The following FHIT variants were observed in gnomAD, a reference collection of about 807,000 sequenced individuals.
The protein encoded by FHIT is bis(5'-adenosyl)-triphosphatase.
Under a neutral mutation model 17.9 loss-of-function variants are expected in FHIT, and 19 were observed. That is an observed-to-expected ratio of 1.06 (90% confidence interval 0.74 to 1.56). The LOEUF is 1.56. FHIT is among the 40% of genes most tolerant of loss of function. The probability of loss-of-function intolerance (pLI) is 0.00; values close to 1 mark genes in which losing one functional copy is unlikely to be tolerated. For missense variants in FHIT, 248 were observed against 189.2 expected, an observed-to-expected ratio of 1.31 and a Z score of -1.82; for synonymous variants, 81 against 69.7, an observed-to-expected ratio of 1.16 and a Z score of -0.81.
At chr3:60,825,882 A>G (rs1195794521) in intron 3 of FHIT, among the ~76,000 whole-genome samples, 1 of 152,076 alleles carries the variant, frequency 6.6e-6, no homozygotes, top group Admixed American at 6.5e-5. Flanking sequence ...AATTTATGGT[A>G]GGGAATTTTA....
At chr3:59,814,161 G>A (rs1008442296) in intron 8 of FHIT, among the ~76,000 whole-genome samples, 10 of 152,148 alleles carry the variant, frequency 6.6e-5, no homozygotes, top group African/African-American at 2.4e-4. Context: ...AAGATGTGCT[G>A]CTGTTATTTC....
Position 60,641,774 on chromosome 3 carries a change from T to C in FHIT, c.-17-104795A>G, listed in dbSNP as rs539168987. Among the ~76,000 whole-genome samples the C allele has an allele frequency of 2.9e-3, 449 of 152,240 alleles. 1 individual carries two copies. The highest frequency in any genetic ancestry group is 4.9e-3 in the Non-Finnish European group (333 of 68,020). On this transcript the variant is annotated intron_variant, in intron 4 of 9. Transcript: ENST00000492590. ...TGGGCAGCCAAAAACCAGATTCTGATGGCATCAGTCAGAATCCTGACAGGA... is the reference window on the plus strand; with the variant it reads ...TGGGCAGCCAAAAACCAGATTCTGACGGCATCAGTCAGAATCCTGACAGGA...
intron 4 of FHIT, among the ~76,000 whole-genome samples, chr3:60,577,899 C>T (rs3937353): frequency 0.55 from 83,823 of 151,760 alleles, 23,445 homozygotes; most frequent in Admixed American, 0.65. Context: ...GTTGCTTAGA[C>T]AATTCCAGGT....
intron 5 of FHIT, among the ~76,000 whole-genome samples, chr3:60,148,726 A>G (rs990703469): frequency 3.9e-5 from 6 of 152,302 alleles, no homozygotes; most frequent in Admixed American, 3.9e-4. Flanking sequence ...CAGAATTAAG[A>G]CCTTGGGATT....
At chr3:60,392,435 A>G (rs1701269614) in intron 5 of FHIT, among the ~76,000 whole-genome samples, 1 of 152,224 alleles carries the variant, frequency 6.6e-6, no homozygotes, top group African/African-American at 2.4e-5. Flanking sequence ...CAGACCATCA[A>G]CATCAATTTC....
At chr3:60,954,221 G>A (rs1709016223) in intron 3 of FHIT, among the ~76,000 whole-genome samples, 2 of 152,130 alleles carry the variant, frequency 1.3e-5, no homozygotes. Flanking sequence ...ATACATAATT[G>A]ATTGACCTTT....
chr3:59,925,088 A>G (rs1210172085), intron 7 of FHIT, among the ~76,000 whole-genome samples: 1 of 110,740 alleles, frequency 9.0e-6, no homozygotes, highest in African/African-American at 3.5e-5. Context: ...CCTCCTTCCT[A>G]TTTTTTTCCC....
intron 8 of FHIT, among the ~76,000 whole-genome samples, chr3:59,879,616 CA>C (rs1249397912): frequency 6.6e-6 from 1 of 152,148 alleles, no homozygotes; most frequent in Non-Finnish European, 1.5e-5. Flanking sequence ...AAAACCCACA[CA>C]GCCCCAAACA....
intron 5 of FHIT, among the ~76,000 whole-genome samples, chr3:60,118,785 G>T (rs543587347): frequency 0.023 from 3,004 of 132,906 alleles, 71 homozygotes; most frequent in South Asian, 0.05. Flanking sequence ...GGGGGGGGGG[G>T]GGTGGTGAAT....
chr3:60,216,696 T>C (rs1017621429), intron 5 of FHIT, among the ~76,000 whole-genome samples: 5 of 152,178 alleles, frequency 3.3e-5, no homozygotes, highest in Non-Finnish European at 7.3e-5. Flanking sequence ...TCCAGACAAA[T>C]GCAGGGTTCC....
intron 2 of FHIT, among the ~76,000 whole-genome samples, chr3:61,160,656 A>T (rs1274185140): frequency 2.6e-5 from 4 of 152,220 alleles, no homozygotes; most frequent in African/African-American, 9.6e-5. Context: ...ACCATGGGGA[A>T]CAGTGAAATG....
chr3:60,732,803 C>T (rs2042060675), intron 4 of FHIT, among the ~76,000 whole-genome samples: 1 of 150,866 alleles, frequency 6.6e-6, no homozygotes. Flanking sequence ...TCTCCTGCCT[C>T]AGTCTCCGGA....
chr3:59,762,222 C>T (rs1025594440), intron 8 of FHIT, among the ~76,000 whole-genome samples: 7 of 152,084 alleles, frequency 4.6e-5, no homozygotes, highest in African/African-American at 1.7e-4. Flanking sequence ...CTGCTCAGAA[C>T]GTTGTACAAT....
At chr3:60,096,029 G>A (rs180695432) in intron 5 of FHIT, among the ~76,000 whole-genome samples, 1 of 152,114 alleles carries the variant, frequency 6.6e-6, no homozygotes, top group African/African-American at 2.4e-5. Context: ...GTTGACACAG[G>A]ATTTTTTCTT....
At chr3:61,118,532 C>A (rs1559996146) in intron 2 of FHIT, among the ~76,000 whole-genome samples, 1 of 152,192 alleles carries the variant, frequency 6.6e-6, no homozygotes, top group Non-Finnish European at 1.5e-5. Flanking sequence ...GTTTGTATTT[C>A]CATTTCAAAG....
chr3:60,590,948 C>G (rs1553664020), intron 4 of FHIT, among the ~76,000 whole-genome samples: 7 of 151,982 alleles, frequency 4.6e-5, no homozygotes. Context: ...AAGGATTCAT[C>G]CAGGGGGGAA....
intron 4 of FHIT, among the ~76,000 whole-genome samples, chr3:60,693,744 A>G (rs1553699981): frequency 6.6e-6 from 1 of 152,212 alleles, no homozygotes; most frequent in East Asian, 1.9e-4. Context: ...CCCAAAGTAC[A>G]CTATAGTTTA....
At chr3:59,923,834 T>C (rs1455402270) in intron 7 of FHIT, among the ~76,000 whole-genome samples, 1 of 152,116 alleles carries the variant, frequency 6.6e-6, no homozygotes, top group East Asian at 1.9e-4. Context: ...AGTGACACGC[T>C]ATTAAAGCCG....
intron 5 of FHIT, among the ~76,000 whole-genome samples, chr3:60,283,381 A>G (rs1305251974): frequency 6.6e-6 from 1 of 152,226 alleles, no homozygotes; most frequent in East Asian, 1.9e-4. Flanking sequence ...CATTAAAAAT[A>G]TGTAACTGTT....
Sources: allele counts gnomAD v4.1 joint callset (sites outside exome capture counted in the v4.1 genomes callset), GRCh38; gene constraint gnomAD v4.1.1; transcripts MANE v1.5; gene names NCBI Gene and HGNC (gene_info 2026-07-23, HGNC 2026-07-21).